The following ME3 variants were observed in gnomAD, a reference collection of about 807,000 sequenced individuals.
ME3 encodes the protein malic enzyme 3, also known as NADP-dependent malic enzyme, mitochondrial.
ME3 carries 48 observed loss-of-function variants against 68.9 expected under a neutral mutation model. The observed-to-expected ratio is 0.70, with a 90% CI of 0.55 to 0.89. The LOEUF is 0.89. Among genes scored for constraint, ME3 ranks in the 40% least tolerant of loss-of-function variants. The probability of loss-of-function intolerance (pLI) is 0.00; values close to 1 mark genes in which losing one functional copy is unlikely to be tolerated. For synonymous variants in ME3, 320 were observed against 318.8 expected (o/e 1.00, Z -0.04); for missense variants, 675 against 797.4 (o/e 0.85, Z 1.85).
At chr11:86,472,697 CA>C (rs1472915349) in intron 7 of ME3, among the ~76,000 whole-genome samples, 28 of 152,070 alleles carry the variant, frequency 1.8e-4, no homozygotes. Context: ...ACCTCTCTTG[CA>C]GTCCTGTTGT....
chr11:86,632,145 TGC>T (rs898030075), intron 2 of ME3, among the ~76,000 whole-genome samples: 5 of 152,352 alleles, frequency 3.3e-5, no homozygotes, highest in African/African-American at 1.2e-4. Flanking sequence ...AACTCTGACC[TGC>T]CTGACTCCAA....
chr11:86,648,670 A>C (rs557226488), intron 2 of ME3, among the ~76,000 whole-genome samples: 55 of 152,338 alleles, frequency 3.6e-4, no homozygotes, highest in African/African-American at 1.3e-3. Context: ...GATCCCAAAG[A>C]AATACAAACT....
At chr11:86,521,431 A>AAAAAAATAATAATAATAAT (rs1271326906) in intron 4 of ME3, among the ~76,000 whole-genome samples, 252 of 145,914 alleles carry the variant, frequency 1.7e-3, no homozygotes, top group Non-Finnish European at 2.9e-3. Flanking sequence ...AACAAAACAA[A>AAAAAAATAATAATAATAAT]AATAATAATA....
At chr11:86,478,481 G>A (rs1951210841) in intron 7 of ME3, among the ~76,000 whole-genome samples, 1 of 152,172 alleles carries the variant, frequency 6.6e-6, no homozygotes, top group African/African-American at 2.4e-5. Flanking sequence ...GCTGGTCAGA[G>A]TAGATTTCCC....
chr11:86,627,560 C>G (rs1943740410), intron 2 of ME3, among the ~76,000 whole-genome samples: 1 of 152,168 alleles, frequency 6.6e-6, no homozygotes, highest in Non-Finnish European at 1.5e-5. Flanking sequence ...ATCAGACACA[C>G]AATAAAATTA....
At chr11:86,494,041 A>G (rs927919038) in intron 6 of ME3, among the ~76,000 whole-genome samples, 3 of 137,320 alleles carry the variant, frequency 2.2e-5, no homozygotes, top group Non-Finnish European at 4.7e-5. Flanking sequence ...TATCTTGCAA[A>G]CGGTTTCATT....
intron 5 of ME3, among the ~76,000 whole-genome samples, chr11:86,499,591 G>T (rs1371838456): frequency 6.6e-6 from 1 of 152,134 alleles, no homozygotes; most frequent in Non-Finnish European, 1.5e-5. Flanking sequence ...AAAGGGCTAC[G>T]GGATCTTCTC....
At chr11:86,509,428 A>G (rs1303682274) in intron 4 of ME3, among the ~76,000 whole-genome samples, 2 of 95,406 alleles carry the variant, frequency 2.1e-5, no homozygotes, top group Admixed American at 1.1e-4. Flanking sequence ...ACACACACAC[A>G]CGCATGTGCG....
chr11:86,604,981 C>G (rs147074328), intron 2 of ME3, among the ~76,000 whole-genome samples: 93 of 152,272 alleles, frequency 6.1e-4, no homozygotes, highest in Middle Eastern at 3.4e-3. Flanking sequence ...AAGAAATGCA[C>G]CACTCATTAA....
At chr11:86,642,040 A>G (rs1944703421) in intron 2 of ME3, among the ~76,000 whole-genome samples, 1 of 152,234 alleles carries the variant, frequency 6.6e-6, no homozygotes, top group Non-Finnish European at 1.5e-5. Flanking sequence ...GAGAAAGGCA[A>G]GCTAAAATTC....
the ME3 span, chr11:86,435,258 A>T: frequency 6.6e-6 from 1 of 152,316 alleles, no homozygotes; most frequent in African/African-American, 2.4e-5. Flanking sequence ...CTCTCTAGAG[A>T]CTTCCACTTC....
chr11:86,439,711 A>T (rs1020494543), downstream of ME3, among the ~76,000 whole-genome samples: 1 of 152,242 alleles, frequency 6.6e-6, no homozygotes, highest in Non-Finnish European at 1.5e-5. Flanking sequence ...TAGTATAGCT[A>T]AAGTTTGTTA....
chr11:86,468,972 A>G (rs677700), intron 7 of ME3, among the ~76,000 whole-genome samples: 140,138 of 152,216 alleles, frequency 0.92, 64,629 homozygotes, highest in Non-Finnish European at 0.95. Context: ...ACTCTATTGC[A>G]CTTGGTAAGT....
chr11:86,598,559 G>C (rs140117112), intron 2 of ME3, among the ~76,000 whole-genome samples: 5,497 of 152,308 alleles, frequency 0.036, 130 homozygotes, highest in Non-Finnish European at 0.054. Flanking sequence ...AACCTCTGCA[G>C]ACTTAAATGT....
chr11:86,636,795 G>A (rs1490797014), intron 2 of ME3, among the ~76,000 whole-genome samples: 1 of 152,118 alleles, frequency 6.6e-6, no homozygotes, highest in African/African-American at 2.4e-5. Context: ...TATCTAAAAG[G>A]GTGTTATGGG....
At chr11:86,670,442 A>T (rs1946852095) in intron 2 of ME3, among the ~76,000 whole-genome samples, 1 of 152,322 alleles carries the variant, frequency 6.6e-6, no homozygotes, top group East Asian at 1.9e-4. Flanking sequence ...TAGATTCTTT[A>T]GATAAAGGAG....
intron 6 of ME3, among the ~76,000 whole-genome samples, chr11:86,494,942 A>G (rs1952227671): frequency 6.6e-6 from 1 of 152,254 alleles, no homozygotes; most frequent in Non-Finnish European, 1.5e-5. Context: ...ATGTATAGGC[A>G]TAGAAAAATT....
chr11:86,652,009 A>C (rs902213484), intron 2 of ME3, among the ~76,000 whole-genome samples: 2 of 152,242 alleles, frequency 1.3e-5, no homozygotes, highest in Non-Finnish European at 2.9e-5. Flanking sequence ...GGAAGATCAA[A>C]TGAATGACAT....
At chr11:86,650,258 C>A (rs1055010731) in intron 2 of ME3, among the ~76,000 whole-genome samples, 6 of 152,148 alleles carry the variant, frequency 3.9e-5, no homozygotes, top group Non-Finnish European at 7.4e-5. Flanking sequence ...TAGCCATATG[C>A]AGAAAACTGA....
Sources: allele counts gnomAD v4.1 joint callset (sites outside exome capture counted in the v4.1 genomes callset), GRCh38; gene constraint gnomAD v4.1.1; transcripts MANE v1.5; gene names NCBI Gene and HGNC (gene_info 2026-07-23, HGNC 2026-07-21).